The following COPZ1 variants were observed in gnomAD, a reference collection of about 807,000 sequenced individuals.
COPZ1 encodes the protein coat protein complex I subunit zeta 1.
A neutral mutation model predicts 31.7 loss-of-function variants in COPZ1; 4 were observed. The ratio of observed to expected loss-of-function variants is 0.13; its 90% CI spans 0.06 to 0.29. The LOEUF is 0.29. Ranked by LOEUF, COPZ1 falls within the 10% of genes least tolerant of loss-of-function variation. The pLI is 1.00. For missense variants in COPZ1, 156 were observed against 211.5 expected (o/e 0.74, Z 1.63); for synonymous variants, 74 against 79.0 (o/e 0.94, Z 0.33).
chr12:54,348,117 G>A, intron 7 of COPZ1, 66 bp downstream of exon 7: 2 of 1,445,678 alleles, frequency 1.4e-6, no homozygotes, highest in Non-Finnish European at 1.9e-6. Flanking sequence ...AGCCAGACCT[G>A]CTGGATGTGT....
At chr12:54,345,426 A>G (rs769241735) in intron 4 of COPZ1, 34 bp from the exon 5 acceptor site, 1 of 1,585,256 alleles carries the variant, frequency 6.3e-7, no homozygotes, top group Admixed American at 1.7e-5. Context: ...AGGGCCTTGA[A>G]CCTTATCCTT....
At chr12:54,339,015 C>G (rs1017073030) in intron 1 of COPZ1, among the ~76,000 whole-genome samples, 15 of 152,116 alleles carry the variant, frequency 9.9e-5, no homozygotes, top group Non-Finnish European at 2.1e-4. Flanking sequence ...CAAACACATA[C>G]TTTTGTGTTT....
At chr12:54,329,533 G>A (rs995429740) in intron 1 of COPZ1, among the ~76,000 whole-genome samples, 11 of 152,180 alleles carry the variant, frequency 7.2e-5, no homozygotes, top group East Asian at 3.9e-4. Context: ...GCAGTGAGCC[G>A]AGGGCCATTG....
At chr12:54,336,751 C>T (rs1205329298) in intron 1 of COPZ1, among the ~76,000 whole-genome samples, 2 of 151,568 alleles carry the variant, frequency 1.3e-5, no homozygotes, top group African/African-American at 4.9e-5. Flanking sequence ...AGGCCGGGCA[C>T]GGTGGCTCAC....
intron 1 of COPZ1, among the ~76,000 whole-genome samples, chr12:54,329,465 C>G (rs1953714558): frequency 6.6e-6 from 1 of 152,040 alleles, no homozygotes; most frequent in South Asian, 2.1e-4. Flanking sequence ...CGCTTGTAAT[C>G]CCCAGCTACA....
chr12:54,347,261 G>GGC (rs1182237625), intron 5 of COPZ1, among the ~76,000 whole-genome samples: 3 of 152,224 alleles, frequency 2.0e-5, no homozygotes, highest in Non-Finnish European at 4.4e-5. Flanking sequence ...TGCAGACCCT[G>GGC]CCCCCTCTTT....
intron 1 of COPZ1, among the ~76,000 whole-genome samples, chr12:54,333,163 C>A (rs1468214835): frequency 6.6e-6 from 1 of 152,108 alleles, no homozygotes; most frequent in African/African-American, 2.4e-5. Flanking sequence ...CATGCCTCAG[C>A]CTCCTGAATA....
chr12:54,341,436 G>T (rs555321584), intron 2 of COPZ1, among the ~76,000 whole-genome samples: 2 of 152,126 alleles, frequency 1.3e-5, no homozygotes, highest in Non-Finnish European at 2.9e-5. Flanking sequence ...TATTAACTCC[G>T]GGCGAGCGTA....
chr12:54,348,132 T>C, intron 7 of COPZ1, 81 bp downstream of exon 7: 2 of 1,269,794 alleles, frequency 1.6e-6, no homozygotes, highest in Non-Finnish European at 2.3e-6. Flanking sequence ...ATGTGTCCAG[T>C]AGTTGGGGCT....
chr12:54,340,435 A>G, intron 1 of COPZ1, 112 bp from the exon 2 acceptor site: 1 of 1,518,866 alleles, frequency 6.6e-7, no homozygotes, highest in Non-Finnish European at 8.8e-7. Flanking sequence ...TAAGGGACTT[A>G]CAGAGGTACC....
chr12:54,348,572 A>G (rs1412071083), intron 7 of COPZ1, among the ~76,000 whole-genome samples: 1 of 152,054 alleles, frequency 6.6e-6, no homozygotes, highest in African/African-American at 2.4e-5. Flanking sequence ...CCCTGTCTCT[A>G]CTAAAGACAC....
At chr12:54,349,840 C>G in intron 8 of COPZ1, 182 bp downstream of exon 8, 1 of 684,838 alleles carries the variant, frequency 1.5e-6, no homozygotes, top group Non-Finnish European at 2.7e-6. Flanking sequence ...CTACTTCCAA[C>G]TCCTTTCTCA....
At chr12:54,341,780 C>T (rs1953976972) in intron 2 of COPZ1, among the ~76,000 whole-genome samples, 1 of 152,190 alleles carries the variant, frequency 6.6e-6, no homozygotes, top group Non-Finnish European at 1.5e-5. Context: ...TTTCCCCATT[C>T]CTCAGCTTCA....
At chr12:54,330,021 G>C (rs904823614) in intron 1 of COPZ1, among the ~76,000 whole-genome samples, 3 of 151,998 alleles carry the variant, frequency 2.0e-5, no homozygotes, top group Non-Finnish European at 4.4e-5. Context: ...CTCCCATCTC[G>C]TTCCTGGCAG....
rs1302850590 is a variant in COPZ1 at position 54,349,631 on chromosome 12, C to T, written c.459C>T (p.Val153=). The change falls in exon 8 of 9, where the codon GTC becomes GTT. Residue 153 remains valine, a synonymous_variant. Transcript: ENST00000262061. ...VHRVALRGED[V]PLTEQTVSQV... ...TCTCTGTGCCATAGGGTGAAGATGT[C>T]CCCCTTACGGAGCAGACCGTGTCTC... The T allele has an allele frequency of 1.2e-6, 2 of 1,612,798 alleles. No homozygotes were observed. The highest frequency in any genetic ancestry group is 1.7e-6 in the Non-Finnish European group (2 of 1,178,888).
intron 1 of COPZ1, among the ~76,000 whole-genome samples, chr12:54,339,963 G>T (rs1468777601): frequency 2.0e-5 from 3 of 148,356 alleles, no homozygotes; most frequent in African/African-American, 7.6e-5. Flanking sequence ...GCTGCATTGA[G>T]AACTGGTGTG....
intron 1 of COPZ1, 84 bp from the exon 2 acceptor site, chr12:54,340,463 C>G (rs776063434): frequency 1.3e-6 from 2 of 1,585,472 alleles, no homozygotes; most frequent in Admixed American, 1.9e-5. Context: ...CCCCTTGCAG[C>G]CCCAGTGGGA....
intron 1 of COPZ1, among the ~76,000 whole-genome samples, chr12:54,333,610 G>A (rs73314640): frequency 1.3e-3 from 195 of 152,250 alleles, no homozygotes; most frequent in African/African-American, 4.4e-3. Flanking sequence ...GGAAGGCTGA[G>A]GCAGGACTCC....
intron 1 of COPZ1, among the ~76,000 whole-genome samples, chr12:54,327,488 G>A (rs143906871): frequency 6.5e-4 from 99 of 151,518 alleles, no homozygotes; most frequent in African/African-American, 2.3e-3. Flanking sequence ...TAGTAGAGAC[G>A]GTTTCACTGT....
Sources: allele counts gnomAD v4.1 joint callset (sites outside exome capture counted in the v4.1 genomes callset), GRCh38; gene constraint gnomAD v4.1.1; transcripts MANE v1.5; gene names NCBI Gene and HGNC (gene_info 2026-07-23, HGNC 2026-07-21).